Variants in OLFM2 observed in about 807,000 individuals in gnomAD.
The protein encoded by OLFM2 is noelin-2.
Under a neutral mutation model 43.9 loss-of-function variants are expected in OLFM2, and 20 were observed. The observed-to-expected ratio is 0.46, with a 90% CI of 0.32 to 0.66. The LOEUF is 0.66. Among genes scored for constraint, OLFM2 ranks in the 30% least tolerant of loss-of-function variants. The pLI is 0.04. For synonymous variants in OLFM2, 268 were observed against 278.6 expected (o/e 0.96, Z 0.38); for missense variants, 416 against 643.6 (o/e 0.65, Z 3.83).
chr19:9,931,302 T>G (rs2086480634), intron 1 of OLFM2, among the ~76,000 whole-genome samples: 1 of 152,072 alleles, frequency 6.6e-6, no homozygotes, highest in Non-Finnish European at 1.5e-5. Flanking sequence ...CAAGCTGGAG[T>G]GCAGTAGTGC....
chr19:9,900,489 T>C (rs933993837), intron 1 of OLFM2, among the ~76,000 whole-genome samples: 2 of 151,992 alleles, frequency 1.3e-5, no homozygotes, highest in African/African-American at 4.8e-5. Flanking sequence ...ATGATTCGAC[T>C]CAATAAAAAC....
intron 1 of OLFM2, among the ~76,000 whole-genome samples, chr19:9,861,225 T>C (rs1262956928): frequency 1.3e-5 from 2 of 150,564 alleles, no homozygotes; most frequent in African/African-American, 4.9e-5. Context: ...TTTTGGTTTG[T>C]TTTTTGTTGT....
intron 1 of OLFM2, among the ~76,000 whole-genome samples, chr19:9,888,574 C>T (rs2046609687): frequency 6.6e-6 from 1 of 151,246 alleles, no homozygotes; most frequent in Non-Finnish European, 1.5e-5. Context: ...GCCAGAACTA[C>T]AAGTGCCCCA....
chr19:9,857,787 C>T lies in OLFM2; in HGVS notation c.288G>A (p.Met96Ile). 2 of 1,614,158 alleles carry T rather than the reference C, an allele frequency of 1.2e-6. No individual in the cohort carries two copies. Among genetic ancestry groups the T allele is most frequent in the South Asian group, 1.1e-5 (1 of 91,074 alleles). The change falls in exon 3 of 6, where the codon ATG becomes ATA. Residue 96 changes from methionine (M) to isoleucine (I), a missense_variant. Met to Ile is a conservative substitution (Grantham distance 10). Coordinates refer to ENST00000264833, the MANE Select transcript of OLFM2 (RefSeq NM_058164.4). The surrounding 1 kb of genome is among the most constrained non-coding windows in gnomAD (Gnocchi z 5.7). ...CATCCAGGCTCCGCATGAGGGTCTC[C>T]ATGCCGCGTACATACTGGAGGTCGC... ...TYRDLQYVRG[M>I]ETLMRSLDAR...
At chr19:9,880,320 A>G (rs1238356834) in intron 1 of OLFM2, among the ~76,000 whole-genome samples, 1 of 152,208 alleles carries the variant, frequency 6.6e-6, no homozygotes, top group African/African-American at 2.4e-5. Flanking sequence ...TGTGCCAGGC[A>G]CTGTTCTAGG....
chr19:9,895,351 C>T (rs1231641272), intron 1 of OLFM2, among the ~76,000 whole-genome samples: 3 of 151,738 alleles, frequency 2.0e-5, no homozygotes, highest in Non-Finnish European at 2.9e-5. Context: ...TTTTAATTAG[C>T]GGGGTGTGGT....
At chr19:9,866,332 G>A (rs968285986) in intron 1 of OLFM2, among the ~76,000 whole-genome samples, 3 of 152,122 alleles carry the variant, frequency 2.0e-5, no homozygotes, top group African/African-American at 7.2e-5. Context: ...AAAGTCAAGA[G>A]TTCTTGGCAG....
At chr19:9,883,883 C>T (rs1406569280) in intron 1 of OLFM2, among the ~76,000 whole-genome samples, 1 of 152,126 alleles carries the variant, frequency 6.6e-6, no homozygotes, top group Non-Finnish European at 1.5e-5. Context: ...GCGCCAGTTT[C>T]CCCATCTGTA....
At chr19:9,913,194 G>A (rs1294903379) in intron 1 of OLFM2, among the ~76,000 whole-genome samples, 1 of 152,118 alleles carries the variant, frequency 6.6e-6, no homozygotes, top group African/African-American at 2.4e-5. Flanking sequence ...AGCCTGGTAC[G>A]CTATTCGCGC....
rs375950461 is a variant in OLFM2, at chr19:9,895,929, ATAT to A, written c.64-35138_64-35136del. ...GAAACTTTACAACGCACGTGTGATC[ATAT>A]TATCCTCCCGGCCAAAACCATATTG... On this transcript the variant is annotated intron_variant, in intron 1 of 5. Coordinates refer to ENST00000264833, the MANE Select transcript of OLFM2 (RefSeq NM_058164.4). 9.9e-4 allele frequency among the ~76,000 whole-genome samples: 151 copies of A among 152,202 alleles called. 2 individuals carry two copies. The highest frequency in any genetic ancestry group is 3.6e-3 in the African/African-American group (150 of 41,548).
intron 1 of OLFM2, among the ~76,000 whole-genome samples, chr19:9,926,976 C>T (rs1353655632): frequency 6.6e-6 from 1 of 151,796 alleles, no homozygotes; most frequent in Non-Finnish European, 1.5e-5. Flanking sequence ...CAGAGCAAGA[C>T]TCTATCTCTA....
intron 1 of OLFM2, among the ~76,000 whole-genome samples, chr19:9,927,837 G>A (rs920096736): frequency 3.3e-5 from 5 of 151,544 alleles, no homozygotes; most frequent in Non-Finnish European, 5.9e-5. Flanking sequence ...AGGCTGAGGC[G>A]GATCACTTGA....
At chr19:9,929,003 G>A (rs2086468466) in intron 1 of OLFM2, among the ~76,000 whole-genome samples, 1 of 151,520 alleles carries the variant, frequency 6.6e-6, no homozygotes, top group African/African-American at 2.4e-5. Context: ...AATTGCTTAA[G>A]CCCAGGAGTT....
intron 1 of OLFM2, among the ~76,000 whole-genome samples, chr19:9,924,584 C>G (rs1421264002): frequency 6.6e-6 from 1 of 152,110 alleles, no homozygotes; most frequent in Non-Finnish European, 1.5e-5. Context: ...TCACCCAACC[C>G]TGTTGAGGTC....
intron 1 of OLFM2, among the ~76,000 whole-genome samples, chr19:9,890,759 C>T (rs559842673): frequency 6.6e-6 from 1 of 152,058 alleles, no homozygotes; most frequent in East Asian, 1.9e-4. Context: ...TTGAGAACAG[C>T]CTGGGCAACA....
rs767576814 is a variant in OLFM2, at chr19:9,857,246, C to T, written c.580+17G>A. 7 of 1,611,110 alleles carry T rather than the reference C, an allele frequency of 4.3e-6. No individual in the cohort carries two copies. In the South Asian group the frequency reaches 4.4e-5, roughly 10 times the overall value. On this transcript the variant is annotated intron_variant, in intron 4 of 5. Coordinates refer to ENST00000264833, the MANE Select transcript of OLFM2 (RefSeq NM_058164.4). The surrounding 1 kb of genome is among the most constrained non-coding windows in gnomAD (Gnocchi z 5.7). ...GCAGTCAGAGATCAGGGGTCAGGGT[C>T]AAGGGCCAAGGCATACCCAGCTTCT...
Position 9,860,662 on chromosome 19 carries a change from G to T in OLFM2, c.196C>A (p.Arg66=). The part of the protein sequence containing the change: ...CSRDGRSREL[R]QLMEKVQNVS... ...GTTCTCACCTTCTCCATCAGTTGCC[G>T]CAGCTCCCGACTCCTGCCATCTCGA... is the stretch of plus-strand genomic sequence containing the variant. The change falls in exon 2 of 6, where the codon CGG becomes AGG. Residue 66 remains arginine (R), a synonymous_variant. Transcript: ENST00000264833. 1 of 1,590,264 alleles carries T rather than the reference G, an allele frequency of 6.3e-7. No individual in the cohort carries two copies. Among genetic ancestry groups the T allele is most frequent in the Admixed American group, 1.8e-5 (1 of 56,620 alleles).
chr19:9,906,301 G>A (rs1444773169), intron 1 of OLFM2, among the ~76,000 whole-genome samples: 1 of 147,606 alleles, frequency 6.8e-6, no homozygotes, highest in South Asian at 2.1e-4. Context: ...CGGGCACACA[G>A]GGTGGGGGAG....
intron 1 of OLFM2, among the ~76,000 whole-genome samples, chr19:9,906,292 G>A (rs1027761622): frequency 2.0e-5 from 3 of 151,062 alleles, no homozygotes; most frequent in Non-Finnish European, 2.9e-5. Flanking sequence ...AGGAGGCTGC[G>A]GGCACACAGG....
Sources: gnomAD v4.1 joint callset for allele counts (sites outside exome capture counted in the v4.1 genomes callset) on GRCh38, gnomAD v4.1.1 for gene constraint, Gnocchi (gnomAD v3.1) non-coding constraint, MANE v1.5 for transcripts, NCBI Gene and HGNC (gene_info 2026-07-23, HGNC 2026-07-21) for gene names.